ARHGEF38: variants seen among roughly 807,000 people sequenced by gnomAD.
ARHGEF38 encodes Rho guanine nucleotide exchange factor (GEF) 38.
Under a neutral mutation model 79.9 loss-of-function variants are expected in ARHGEF38, and 79 were observed. The observed-to-expected ratio is 0.99, with a 90% CI of 0.82 to 1.19. The LOEUF is 1.19. Ranked by LOEUF, ARHGEF38 falls within the 50% of genes most tolerant of loss-of-function variation. ARHGEF38 has a pLI of 0.00. For missense variants in ARHGEF38, 962 were observed against 907.2 expected, an observed-to-expected ratio of 1.06 and a Z score of -0.78; for synonymous variants, 366 against 328.3, an observed-to-expected ratio of 1.11 and a Z score of -1.24.
chr4:105,656,157 C>G (rs1407186582), intron 9 of ARHGEF38, among the ~76,000 whole-genome samples: 4 of 152,080 alleles, frequency 2.6e-5, no homozygotes, highest in Non-Finnish European at 5.9e-5. Flanking sequence ...TGGGCTTAAG[C>G]AATCCTCGCT....
intron 2 of ARHGEF38, among the ~76,000 whole-genome samples, chr4:105,595,016 G>A (rs1727516114): frequency 6.6e-6 from 1 of 152,188 alleles, no homozygotes; most frequent in Non-Finnish European, 1.5e-5. Context: ...AATGGAAAGG[G>A]CAAAAAGTGA....
At chr4:105,608,613 T>C (rs1728154958) in intron 2 of ARHGEF38, among the ~76,000 whole-genome samples, 3 of 152,072 alleles carry the variant, frequency 2.0e-5, no homozygotes, top group African/African-American at 7.2e-5. Context: ...TTTGTTTGTG[T>C]TGGGACATTC....
chr4:105,585,726 CTTTT>C (rs3056719), intron 1 of ARHGEF38, among the ~76,000 whole-genome samples: 4 of 71,508 alleles, frequency 5.6e-5, no homozygotes, highest in Admixed American at 5.3e-4. Context: ...CCCTCCGTTG[CTTTT>C]TTTTTTTTTT....
chr4:105,677,083 C>T (rs1192381275), intron 13 of ARHGEF38, among the ~76,000 whole-genome samples: 2 of 151,988 alleles, frequency 1.3e-5, no homozygotes, highest in Non-Finnish European at 2.9e-5. Context: ...CCTGCCTCAG[C>T]CTCCTGAGTA....
rs546762650 is a variant in ARHGEF38, at chr4:105,557,231, G to GTATA, written c.196+4280_196+4283dup. ...GATATATATGTGTATATATATGTGT[G>GTATA]TATATATATATATCTCCAGTATGTA... is the stretch of plus-strand genomic sequence containing the variant. On this transcript the variant is annotated intron_variant, in intron 1 of 13. Transcript: ENST00000420470. Among the ~76,000 whole-genome samples the GTATA allele has an allele frequency of 7.9e-5, 12 of 151,438 alleles. No individual in the cohort carries two copies. The South Asian group carries it at 1.3e-3, about 16-fold the overall frequency.
intron 2 of ARHGEF38, among the ~76,000 whole-genome samples, chr4:105,607,830 C>T (rs1200818332): frequency 3.3e-5 from 5 of 151,970 alleles, no homozygotes; most frequent in Non-Finnish European, 5.9e-5. Context: ...TTAGGCAAGG[C>T]TGGATCCAAG....
chr4:105,580,711 CTTTG>C (rs749964513), intron 1 of ARHGEF38, among the ~76,000 whole-genome samples: 10 of 151,988 alleles, frequency 6.6e-5, no homozygotes, highest in East Asian at 1.9e-4. Context: ...TTGTTTGTGT[CTTTG>C]TTTGTTTGTT....
intron 1 of ARHGEF38, among the ~76,000 whole-genome samples, chr4:105,573,057 G>A (rs1162822100): frequency 1.2e-4 from 1 of 8,682 alleles, no homozygotes; most frequent in Non-Finnish European, 2.3e-4. Context: ...ATCTATTCAA[G>A]TGCCTTTGCT....
chr4:105,675,596 T>C lies in ARHGEF38; in HGVS notation c.2149-2156T>C, dbSNP rs1245541208. On this transcript the variant is annotated intron_variant, in intron 13 of 13. Transcript: ENST00000420470. Reference sequence around the variant, plus strand: ...TCAATAAATATTTGAATTCCTACTTTGTACCATAATGTGGTCAATGGAGAA... The same window carrying C: ...TCAATAAATATTTGAATTCCTACTTCGTACCATAATGTGGTCAATGGAGAA... 2.0e-5 allele frequency among the ~76,000 whole-genome samples: 3 copies of C among 152,332 alleles called. No individual in the cohort carries two copies. In the East Asian group the frequency reaches 5.8e-4, roughly 29 times the overall value.
At chr4:105,667,844 C>CT in intron 13 of ARHGEF38, 141 bp downstream of exon 13, 1 of 985,832 alleles carries the variant, frequency 1.0e-6, no homozygotes, top group Non-Finnish European at 1.5e-6. Flanking sequence ...CACAGTGGAT[C>CT]TTTTTGTAAG....
intron 6 of ARHGEF38, among the ~76,000 whole-genome samples, chr4:105,646,672 G>A (rs949703526): frequency 6.6e-6 from 1 of 151,992 alleles, no homozygotes; most frequent in African/African-American, 2.4e-5. Flanking sequence ...GAGGTGTACT[G>A]GTAACTAGCA....
At chr4:105,672,760 A>G (rs546785426) in intron 13 of ARHGEF38, among the ~76,000 whole-genome samples, 3 of 152,156 alleles carry the variant, frequency 2.0e-5, no homozygotes, top group Non-Finnish European at 4.4e-5. Context: ...TCTGAAACTG[A>G]GGGTTCTCTT....
At position 105,679,769 on chromosome 4, in the gene ARHGEF38, A is replaced by G; in HGVS notation, c.*1832A>G. ...CCTTTCTCTTGGTTGATAAAAACAT[A>G]TACAAACCCCTGTCTGTCCAGCTTT... is the stretch of plus-strand genomic sequence containing the variant. On this transcript the variant is annotated 3_prime_UTR_variant, in exon 14 of 14. Coordinates refer to ENST00000420470, the MANE Select transcript of ARHGEF38 (RefSeq NM_001242729.2). 1.1e-6 allele frequency: 1 copy of G among 950,486 alleles called. No homozygotes were observed. 58.9% of individuals were successfully genotyped at this position (950,486 alleles called of 1,614,324 possible).
chr4:105,565,841 C>A (rs2110410524), intron 1 of ARHGEF38, among the ~76,000 whole-genome samples: 1 of 152,302 alleles, frequency 6.6e-6, no homozygotes, highest in South Asian at 2.1e-4. Flanking sequence ...TGAGAGTCAG[C>A]TTTGACTTCT....
intron 9 of ARHGEF38, among the ~76,000 whole-genome samples, chr4:105,657,580 T>C (rs1336079532): frequency 6.6e-6 from 1 of 151,718 alleles, no homozygotes; most frequent in African/African-American, 2.4e-5. Context: ...ATTTTGTGTC[T>C]GTGAGTCACT....
chr4:105,594,871 C>T (rs715706), intron 2 of ARHGEF38, among the ~76,000 whole-genome samples: 40,647 of 152,054 alleles, frequency 0.27, 5,992 homozygotes, highest in African/African-American at 0.39. Context: ...CAAACGTTAT[C>T]CACATCAGTT....
chr4:105,651,954 G>T (rs2110551651), intron 7 of ARHGEF38, among the ~76,000 whole-genome samples: 1 of 152,270 alleles, frequency 6.6e-6, no homozygotes, highest in African/African-American at 2.4e-5. Flanking sequence ...CTGTATTCCT[G>T]CCATGTCTTC....
intron 13 of ARHGEF38, among the ~76,000 whole-genome samples, chr4:105,674,089 C>T (rs539912173): frequency 1.3e-5 from 2 of 151,698 alleles, no homozygotes; most frequent in African/African-American, 2.4e-5. Flanking sequence ...ATGTGGCTCA[C>T]GGAGGAAGGA....
At chr4:105,555,406 T>G (rs1249963787) in intron 1 of ARHGEF38, among the ~76,000 whole-genome samples, 1 of 152,184 alleles carries the variant, frequency 6.6e-6, no homozygotes, top group Non-Finnish European at 1.5e-5. Context: ...GAAGGCATTT[T>G]CTCATTAATG....
Sources: gnomAD v4.1 joint callset for allele counts (sites outside exome capture counted in the v4.1 genomes callset) on GRCh38, gnomAD v4.1.1 for gene constraint, MANE v1.5 for transcripts, NCBI Gene and HGNC (gene_info 2026-07-23, HGNC 2026-07-21) for gene names.